The following HSD17B12 variants were observed in gnomAD, a reference collection of about 807,000 sequenced individuals.
HSD17B12 encodes hydroxysteroid 17-beta dehydrogenase 12.
A neutral mutation model predicts 39.3 loss-of-function variants in HSD17B12; 32 were observed. The observed-to-expected ratio is 0.81, with a 90% CI of 0.61 to 1.09. HSD17B12 has a LOEUF of 1.09. Ranked by LOEUF, HSD17B12 falls within the 50% of genes least tolerant of loss-of-function variation. HSD17B12 has a pLI of 0.00. For missense variants in HSD17B12, 342 were observed against 382.9 expected (o/e 0.89, Z 0.89); for synonymous variants, 150 against 146.7 (o/e 1.02, Z -0.16).
the HSD17B12 span, among the ~76,000 whole-genome samples, chr11:43,603,677 C>T: frequency 6.6e-6 from 1 of 152,048 alleles, no homozygotes; most frequent in East Asian, 1.9e-4. Flanking sequence ...AAAAATAAAA[C>T]CTTCTTTTGT....
At chr11:43,801,286 G>A (rs1950965756) in intron 4 of HSD17B12, among the ~76,000 whole-genome samples, 1 of 152,142 alleles carries the variant, frequency 6.6e-6, no homozygotes, top group South Asian at 2.1e-4. Context: ...GGGGGACAGG[G>A]GAGTTGATAC....
At chr11:43,733,685 A>T (rs971116213) in intron 1 of HSD17B12, 2 of 487,866 alleles carry the variant, frequency 4.1e-6, no homozygotes, top group African/African-American at 2.0e-5. Context: ...TAACTTTTAA[A>T]AAAAGGGGTT....
chr11:43,567,528 T>C, the HSD17B12 span, among the ~76,000 whole-genome samples: 11 of 152,338 alleles, frequency 7.2e-5, no homozygotes, highest in Middle Eastern at 3.4e-3. Flanking sequence ...ATTTGTTCTA[T>C]AGAGAAATGA....
intron 1 of HSD17B12, among the ~76,000 whole-genome samples, chr11:43,705,092 G>A (rs968269006): frequency 1.3e-5 from 2 of 152,174 alleles, no homozygotes; most frequent in Non-Finnish European, 2.9e-5. Flanking sequence ...AAGTCCAATG[G>A]GTTTTGGGTG....
chr11:43,828,176 T>C (rs1951267276), intron 6 of HSD17B12, among the ~76,000 whole-genome samples: 2 of 147,128 alleles, frequency 1.4e-5, no homozygotes, highest in African/African-American at 5.0e-5. Flanking sequence ...GGAGTCTCGC[T>C]CTGTCGCCCA....
chr11:43,688,952 A>G (rs964719035), intron 1 of HSD17B12, among the ~76,000 whole-genome samples: 1 of 152,226 alleles, frequency 6.6e-6, no homozygotes, highest in Non-Finnish European at 1.5e-5. Context: ...TTGTTTGTAT[A>G]GATTACTCTT....
At chr11:43,613,206 C>T in the HSD17B12 span, among the ~76,000 whole-genome samples, 2 of 151,954 alleles carry the variant, frequency 1.3e-5, no homozygotes, top group African/African-American at 2.4e-5. Context: ...GAGTTCAAGA[C>T]CATGGTGAAA....
the HSD17B12 span, among the ~76,000 whole-genome samples, chr11:43,572,625 T>C: frequency 1.3e-5 from 2 of 152,146 alleles, no homozygotes; most frequent in African/African-American, 4.8e-5. Flanking sequence ...ATAATAACTG[T>C]TTTGGGAGTG....
At chr11:43,835,591 G>C (rs994033273) in intron 7 of HSD17B12, among the ~76,000 whole-genome samples, 4 of 152,032 alleles carry the variant, frequency 2.6e-5, no homozygotes, top group Non-Finnish European at 4.4e-5. Context: ...TTTGTAGAAG[G>C]GCTATTTTCT....
chr11:43,846,553 A>G (rs1315003730), intron 9 of HSD17B12, among the ~76,000 whole-genome samples: 1 of 152,170 alleles, frequency 6.6e-6, no homozygotes, highest in Non-Finnish European at 1.5e-5. Context: ...AAACCCAGCT[A>G]CTGTAGGGGG....
the HSD17B12 span, among the ~76,000 whole-genome samples, chr11:43,614,759 GA>G: frequency 6.6e-6 from 1 of 151,796 alleles, no homozygotes; most frequent in Non-Finnish European, 1.5e-5. Context: ...CCATTCAATA[GA>G]TTTTTTTTAT....
Position 43,798,356 on chromosome 11 carries a change from T to C in HSD17B12, c.320T>C (p.Val107Ala). The change falls in exon 4 of 11, where the codon GTT (valine) becomes GCT (alanine). Residue 107 changes from valine to alanine, a missense_variant. Transcript: ENST00000278353. ...AAAGTGGAGACAAGAACCATTGCTG[T>C]TGACTTTGCATCAGAAGATATTTAT... ...KFKVETRTIA[V>A]DFASEDIYDK... 2 of 1,612,406 alleles carry C rather than the reference T, an allele frequency of 1.2e-6. No individual in the cohort carries two copies. Among genetic ancestry groups the C allele is most frequent in the South Asian group, 1.1e-5 (1 of 90,972 alleles).
intron 6 of HSD17B12, chr11:43,829,700 C>G (rs1951288630): frequency 6.6e-6 from 1 of 152,114 alleles, no homozygotes; most frequent in Non-Finnish European, 1.5e-5. Flanking sequence ...CACACAGACA[C>G]ACATACACCT....
At chr11:43,692,442 T>C (rs879528914) in intron 1 of HSD17B12, among the ~76,000 whole-genome samples, 11 of 152,170 alleles carry the variant, frequency 7.2e-5, no homozygotes, top group Non-Finnish European at 1.5e-4. Context: ...TTGAATAGTA[T>C]TGGTAACAGG....
chr11:43,657,223 C>T, the HSD17B12 span, among the ~76,000 whole-genome samples: 1 of 152,148 alleles, frequency 6.6e-6, no homozygotes, highest in Non-Finnish European at 1.5e-5. Context: ...AAGATTGCAA[C>T]CCCTGCCTTT....
chr11:43,787,746 A>T (rs60039549), intron 3 of HSD17B12, among the ~76,000 whole-genome samples: 2,126 of 151,614 alleles, frequency 0.014, 65 homozygotes, highest in African/African-American at 0.047. Context: ...CGGAAAAAAA[A>T]AAAAATAATA....
At chr11:43,587,871 A>G in the HSD17B12 span, among the ~76,000 whole-genome samples, 2 of 152,220 alleles carry the variant, frequency 1.3e-5, no homozygotes, top group Non-Finnish European at 2.9e-5. Flanking sequence ...ATAGCTGGAC[A>G]GGTCAGGGAT....
At chr11:43,675,042 C>T in the HSD17B12 span, among the ~76,000 whole-genome samples, 3 of 152,212 alleles carry the variant, frequency 2.0e-5, no homozygotes, top group Non-Finnish European at 2.9e-5. Flanking sequence ...ACCCATTCAA[C>T]AGGTATTTAT....
At chr11:43,767,642 C>T (rs751290494) in intron 3 of HSD17B12, among the ~76,000 whole-genome samples, 2 of 152,024 alleles carry the variant, frequency 1.3e-5, no homozygotes, top group Non-Finnish European at 2.9e-5. Context: ...AATGACCTAG[C>T]GTTATGTCTA....
Sources: allele counts gnomAD v4.1 joint callset (sites outside exome capture counted in the v4.1 genomes callset), GRCh38; gene constraint gnomAD v4.1.1; transcripts MANE v1.5; gene names NCBI Gene and HGNC (gene_info 2026-07-23, HGNC 2026-07-21).